PROS1: variants seen among roughly 807,000 people sequenced by gnomAD.
The protein encoded by PROS1 is protein S, also known as vitamin K-dependent protein S.
In PROS1, 29 loss-of-function variants were observed where a neutral mutation model predicts 75.9. The observed-to-expected ratio is 0.38, with a 90% CI of 0.28 to 0.52. PROS1 has a LOEUF of 0.52. Among genes scored for constraint, PROS1 ranks in the 20% least tolerant of loss-of-function variants. The pLI, the probability that PROS1 is intolerant of heterozygous loss-of-function variation, is 0.83. For synonymous variants in PROS1, 245 were observed against 280.6 expected, an observed-to-expected ratio of 0.87 and a Z score of 1.27; for missense variants, 680 against 810.3, an observed-to-expected ratio of 0.84 and a Z score of 1.95.
rs79791510 is a variant in PROS1 at position 93,887,250 on chromosome 3, A to G, written c.1156-747T>C. 5.5e-4 allele frequency among the ~76,000 whole-genome samples: 84 copies of G among 152,344 alleles called. No individual in the cohort carries two copies. In the East Asian group the frequency reaches 0.014, roughly 26 times the overall value. On this transcript the variant is annotated intron_variant, in intron 10 of 14. Transcript: ENST00000394236. Reference sequence around the variant, plus strand: ...TCTTAATATAAAGTAAGAAAAATCAATATGTTCACTATTCTGTTAATTGCA... The same window carrying G: ...TCTTAATATAAAGTAAGAAAAATCAGTATGTTCACTATTCTGTTAATTGCA...
rs190029964 is a variant in PROS1, at chr3:93,879,886, C to G, written c.1493-572G>C. Reference sequence around the variant, plus strand: ...TCCTTCACATTCTCTTTCTTAATTACTAGGTTAATTGTCTATCCCACTAAC... The same window carrying G: ...TCCTTCACATTCTCTTTCTTAATTAGTAGGTTAATTGTCTATCCCACTAAC... On this transcript the variant is annotated intron_variant, in intron 12 of 14. Transcript: ENST00000394236. Among the ~76,000 whole-genome samples the G allele has an allele frequency of 3.3e-5, 5 of 152,246 alleles. No individual in the cohort carries two copies. The East Asian group carries it at 9.6e-4, about 29-fold the overall frequency.
intron 3 of PROS1, among the ~76,000 whole-genome samples, chr3:93,923,189 G>A (rs1161771633): frequency 1.3e-5 from 2 of 152,030 alleles, no homozygotes; most frequent in Admixed American, 1.3e-4. Flanking sequence ...AGTTGGGCAG[G>A]GCCAGAAAAG....
chr3:93,896,860 C>T (rs1708508943), intron 8 of PROS1, among the ~76,000 whole-genome samples, 169 bp from the exon 9 acceptor site: 1 of 151,990 alleles, frequency 6.6e-6, no homozygotes, highest in East Asian at 1.9e-4. Flanking sequence ...CTTCCATTTC[C>T]TTGTATAGTC....
chr3:93,942,348 G>C (rs1166877965), intron 1 of PROS1, among the ~76,000 whole-genome samples: 2 of 152,154 alleles, frequency 1.3e-5, no homozygotes, highest in Non-Finnish European at 2.9e-5. Context: ...TGGGCAGAAA[G>C]AGGTTGCCTC....
At chr3:93,886,550 G>T in intron 10 of PROS1, 47 bp from the exon 11 acceptor site, 1 of 1,419,548 alleles carries the variant, frequency 7.0e-7, no homozygotes, top group South Asian at 1.2e-5. Context: ...ATTACTACAT[G>T]TCATTTGAAA....
intron 6 of PROS1, among the ~76,000 whole-genome samples, chr3:93,902,057 A>G (rs1319319971): frequency 6.6e-6 from 1 of 152,122 alleles, no homozygotes; most frequent in East Asian, 1.9e-4. Flanking sequence ...CAGTGCTGTA[A>G]TCCTAGCACT....
intron 9 of PROS1, 139 bp from the exon 10 acceptor site, chr3:93,893,261 G>C: frequency 2.5e-6 from 2 of 795,510 alleles, no homozygotes; most frequent in Non-Finnish European, 4.1e-6. Flanking sequence ...ATTAATAAAA[G>C]AGAAGGGCAG....
intron 1 of PROS1, among the ~76,000 whole-genome samples, chr3:93,944,743 A>G (rs1163526934): frequency 1.3e-5 from 2 of 152,188 alleles, no homozygotes; most frequent in Admixed American, 1.3e-4. Context: ...CACAATTAAA[A>G]GAACTAGAGA....
At chr3:93,905,670 G>T in intron 6 of PROS1, 114 bp downstream of exon 6, 1 of 1,112,274 alleles carries the variant, frequency 9.0e-7, no homozygotes, top group Non-Finnish European at 1.3e-6. Flanking sequence ...CGATAAAAAT[G>T]TGTTAGTATA....
chr3:93,893,555 G>A (rs1472248872), intron 9 of PROS1, among the ~76,000 whole-genome samples: 3 of 151,296 alleles, frequency 2.0e-5, no homozygotes, highest in Admixed American at 2.0e-4. Context: ...GTTTGTTTTT[G>A]TTTTTGCTGT....
rs1241481345 is a variant in PROS1, at chr3:93,946,196, G to A, written c.77-18789C>T. On this transcript the variant is annotated intron_variant, in intron 1 of 14. Transcript: ENST00000394236. Reference sequence around the variant, plus strand: ...GAAGAACATTCCATGCTCATGGGTAGGAAGAATCAATATCACGAAAATGGC... The same window carrying A: ...GAAGAACATTCCATGCTCATGGGTAAGAAGAATCAATATCACGAAAATGGC... Among the ~76,000 whole-genome samples, 4 of 152,126 alleles carry A rather than the reference G, an allele frequency of 2.6e-5. No homozygotes were observed. The South Asian group carries it at 6.2e-4, about 24-fold the overall frequency.
chr3:93,943,587 C>CATG (rs1415310376), intron 1 of PROS1, among the ~76,000 whole-genome samples: 3 of 152,210 alleles, frequency 2.0e-5, no homozygotes, highest in African/African-American at 7.2e-5. Flanking sequence ...AAACATTGAC[C>CATG]ATTATCTCTC....
At chr3:93,958,494 G>C (rs751975993) in intron 1 of PROS1, 2 of 152,152 alleles carry the variant, frequency 1.3e-5, no homozygotes, top group Non-Finnish European at 2.9e-5. Flanking sequence ...TGGTTTTGTA[G>C]ATTAGCTTTC....
At chr3:93,912,326 G>A (rs1014759930) in intron 3 of PROS1, among the ~76,000 whole-genome samples, 6 of 151,950 alleles carry the variant, frequency 3.9e-5, no homozygotes, top group Non-Finnish European at 8.8e-5. Context: ...TGGTTTTATC[G>A]GGTCCTCTCA....
rs556711298 is a variant in PROS1, at chr3:93,973,811, A to C, written c.-62T>G. On this transcript the variant is annotated 5_prime_UTR_variant, in exon 1 of 15. Coordinates refer to ENST00000394236, the MANE Select transcript of PROS1 (RefSeq NM_000313.4). The stretch of plus-strand genomic sequence containing the variant: ...GCGTCGCGGCGGGGACCGGAGCGCT[A>C]GGCGCCGCGGAGCTGCGAGCCTGTG... The C allele has an allele frequency of 5.7e-4, 823 of 1,447,760 alleles. 3 individuals are homozygous for C. In the African/African-American group the frequency reaches 0.011, roughly 19 times the overall value. The allele number at this position is 1,447,760 out of a possible 1,614,324, so 89.7% of individuals were successfully genotyped here.
chr3:93,943,271 G>A (rs1022288762), intron 1 of PROS1, among the ~76,000 whole-genome samples: 1 of 152,058 alleles, frequency 6.6e-6, no homozygotes, highest in African/African-American at 2.4e-5. Context: ...CAAGGATAGA[G>A]CCCAAAAACT....
At chr3:93,884,661 TTAC>T (rs1708320829) in intron 12 of PROS1, 64 bp downstream of exon 12, 1 of 1,467,368 alleles carries the variant, frequency 6.8e-7, no homozygotes, top group African/African-American at 1.4e-5. Context: ...AAATAAATTA[TTAC>T]TGTTTGTTAA....
chr3:93,964,208 A>AT (rs1443597659), intron 1 of PROS1, among the ~76,000 whole-genome samples: 3 of 152,184 alleles, frequency 2.0e-5, no homozygotes, highest in Non-Finnish European at 4.4e-5. Context: ...AATAACAGTG[A>AT]TTTTAGGGAA....
At chr3:93,938,512 G>A (rs62266146) in intron 1 of PROS1, among the ~76,000 whole-genome samples, 28,705 of 152,002 alleles carry the variant, frequency 0.19, 3,251 homozygotes, top group Non-Finnish European at 0.25. Context: ...TCCTCACTCC[G>A]TGAGGAGATC....
Sources: allele counts gnomAD v4.1 joint callset (sites outside exome capture counted in the v4.1 genomes callset), GRCh38; gene constraint gnomAD v4.1.1; transcripts MANE v1.5; gene names NCBI Gene and HGNC (gene_info 2026-07-23, HGNC 2026-07-21).